The following FAM117A variants were observed in gnomAD, a reference collection of about 807,000 sequenced individuals.
FAM117A encodes protein FAM117A.
A neutral mutation model predicts 44.1 loss-of-function variants in FAM117A; 21 were observed. The ratio of observed to expected loss-of-function variants is 0.48; its 90% CI spans 0.34 to 0.69. The LOEUF is 0.69. Ranked by LOEUF, FAM117A falls within the 30% of genes least tolerant of loss-of-function variation. The pLI, the probability that FAM117A is intolerant of heterozygous loss-of-function variation, is 0.01. For synonymous variants in FAM117A, 220 were observed against 238.3 expected (o/e 0.92, Z 0.71); for missense variants, 498 against 589.9 (o/e 0.84, Z 1.61).
chr17:49,737,654 T>G (rs1313835636), intron 1 of FAM117A, among the ~76,000 whole-genome samples: 1 of 152,204 alleles, frequency 6.6e-6, no homozygotes, highest in African/African-American at 2.4e-5. Context: ...TAAAGCTATC[T>G]CGTGTTTACG....
chr17:49,719,705 C>G, intron 5 of FAM117A, 55 bp downstream of exon 5: 1 of 1,484,934 alleles, frequency 6.7e-7, no homozygotes, highest in Non-Finnish European at 8.9e-7. Flanking sequence ...TTCCCCTCGC[C>G]CAGGCCAAGT....
At chr17:49,772,418 C>T (rs1428844194) in intron 1 of FAM117A, among the ~76,000 whole-genome samples, 1 of 151,854 alleles carries the variant, frequency 6.6e-6, no homozygotes, top group Non-Finnish European at 1.5e-5. Flanking sequence ...CCAGCCTGGC[C>T]AACATAGTGA....
chr17:49,721,224 T>G (rs2073532712), intron 3 of FAM117A, among the ~76,000 whole-genome samples: 1 of 152,230 alleles, frequency 6.6e-6, no homozygotes, highest in South Asian at 2.1e-4. Flanking sequence ...TACTACAGAT[T>G]ATCATCAACA....
rs1237015823 is a variant in FAM117A at position 49,711,448 on chromosome 17, A to G, written c.1169T>C (p.Leu390Pro). 2 of 1,613,986 alleles carry G rather than the reference A, an allele frequency of 1.2e-6. No homozygotes were observed. The highest frequency in any genetic ancestry group is 3.3e-5 in the Admixed American group (2 of 60,024). ...GAAGATGAAGCCCATGCCGGGGAAGAGGGGCTTCATCAGGTTGACGGGGCA... is the reference window on the plus strand; with the variant it reads ...GAAGATGAAGCCCATGCCGGGGAAGGGGGGCTTCATCAGGTTGACGGGGCA... ...AFCPVNLMKP[L>P]FPGMGFIFRN... Residue 390 changes from leucine (L) to proline (P), a missense_variant, in exon 8 of 8, where the codon CTC becomes CCC. Around this residue, in one of 3 missense-constraint regions of FAM117A, gnomAD observed 224 missense variants for 296.5 expected, o/e 0.76. Coordinates refer to ENST00000240364, the MANE Select transcript of FAM117A (RefSeq NM_030802.4).
rs2073527404 is a variant in FAM117A at position 49,720,307 on chromosome 17, G to A, written c.573+19C>T. The A allele has an allele frequency of 6.3e-7, 1 of 1,591,050 alleles. No homozygotes were observed. Among genetic ancestry groups the A allele is most frequent in the Non-Finnish European group, 8.6e-7 (1 of 1,160,356 alleles). On this transcript the variant is annotated intron_variant, in intron 4 of 7. Coordinates refer to ENST00000240364, the MANE Select transcript of FAM117A (RefSeq NM_030802.4). ...CATGGAGGAGAACAGAGGGGAGAGG[G>A]CTGGGGGAGAAAACATACCCTCAGT... is the stretch of plus-strand genomic sequence containing the variant.
chr17:49,764,866 C>T (rs2073740447), upstream of FAM117A, among the ~76,000 whole-genome samples: 1 of 152,090 alleles, frequency 6.6e-6, no homozygotes, highest in South Asian at 2.1e-4. Flanking sequence ...AATTGCTAGC[C>T]TGTAAATTAA....
At chr17:49,740,504 C>T (rs749495444) in intron 1 of FAM117A, among the ~76,000 whole-genome samples, 10 of 152,206 alleles carry the variant, frequency 6.6e-5, no homozygotes, top group African/African-American at 2.4e-4. Context: ...CCACCTTGTC[C>T]TCCCAAAGTG....
intron 1 of FAM117A, among the ~76,000 whole-genome samples, chr17:49,781,235 G>A (rs2073788707): frequency 6.6e-6 from 1 of 152,136 alleles, no homozygotes. Flanking sequence ...AATGAATAGG[G>A]TTTCCCAGAA....
At chr17:49,753,799 A>G (rs1567834567) in intron 1 of FAM117A, among the ~76,000 whole-genome samples, 1 of 152,128 alleles carries the variant, frequency 6.6e-6, no homozygotes, top group Non-Finnish European at 1.5e-5. Flanking sequence ...CAAACAAACA[A>G]ACAAACAAAA....
intron 2 of FAM117A, among the ~76,000 whole-genome samples, chr17:49,723,183 T>C (rs1459701758): frequency 6.6e-6 from 1 of 151,772 alleles, no homozygotes; most frequent in Non-Finnish European, 1.5e-5. Flanking sequence ...CCCCAACCCC[T>C]GCCCCCGCTG....
intron 1 of FAM117A, among the ~76,000 whole-genome samples, chr17:49,785,645 C>T (rs1045018805): frequency 6.6e-6 from 1 of 152,174 alleles, no homozygotes; most frequent in African/African-American, 2.4e-5. Context: ...ATACAATAAA[C>T]ATGATTTATC....
At chr17:49,787,229 AAC>A (rs1385952802) in intron 1 of FAM117A, among the ~76,000 whole-genome samples, 1 of 152,218 alleles carries the variant, frequency 6.6e-6, no homozygotes, top group East Asian at 1.9e-4. Context: ...AGTGCAAAAT[AAC>A]AGAGTAATGT....
chr17:49,763,761 G>A (rs974487834), intron 1 of FAM117A, 131 bp downstream of exon 1: 12 of 465,492 alleles, frequency 2.6e-5, no homozygotes, highest in Non-Finnish European at 4.1e-5. Flanking sequence ...CATAGACTCT[G>A]AACGCCCCCT....
chr17:49,756,081 C>CT (rs1209479789), intron 1 of FAM117A, among the ~76,000 whole-genome samples: 16 of 152,026 alleles, frequency 1.1e-4, no homozygotes, highest in African/African-American at 3.6e-4. Flanking sequence ...ATATAGCTGA[C>CT]TAGACAAGGC....
intron 1 of FAM117A, among the ~76,000 whole-genome samples, chr17:49,750,489 T>C (rs1282835296): frequency 1.6e-5 from 2 of 126,092 alleles, no homozygotes; most frequent in Non-Finnish European, 3.9e-5. Context: ...GATGAGCTAT[T>C]ACTGGCCGGG....
intron 2 of FAM117A, chr17:49,724,530 C>T (rs1373403982): frequency 2.2e-6 from 1 of 455,714 alleles, no homozygotes. Context: ...CAGGCTAGCA[C>T]AGGACTTAAA....
intron 1 of FAM117A, among the ~76,000 whole-genome samples, chr17:49,739,642 G>A (rs1260068631): frequency 6.6e-6 from 1 of 152,194 alleles, no homozygotes; most frequent in Non-Finnish European, 1.5e-5. Context: ...AAGTCACAAC[G>A]GTTGCTTGTG....
intron 1 of FAM117A, among the ~76,000 whole-genome samples, chr17:49,756,753 T>C (rs769086904): frequency 9.2e-5 from 14 of 151,866 alleles, no homozygotes; most frequent in Non-Finnish European, 1.3e-4. Flanking sequence ...CTATCTCTAC[T>C]AAAAATACAG....
chr17:49,767,534 C>A (rs1157008780), upstream of FAM117A, among the ~76,000 whole-genome samples: 2 of 152,210 alleles, frequency 1.3e-5, no homozygotes, highest in Non-Finnish European at 2.9e-5. Context: ...GGGCTAGATG[C>A]TATTTCATTT....
Sources: gnomAD v4.1 joint callset for allele counts (sites outside exome capture counted in the v4.1 genomes callset) on GRCh38, gnomAD v4.1.1 for gene constraint, gnomAD v4.1.1 regional missense constraint, MANE v1.5 for transcripts, NCBI Gene and HGNC (gene_info 2026-07-23, HGNC 2026-07-21) for gene names.